CATSPERE: variants seen among roughly 807,000 people sequenced by gnomAD.
The protein encoded by CATSPERE is cation channel sperm-associated auxiliary subunit epsilon.
In CATSPERE, 93 loss-of-function variants were observed where a neutral mutation model predicts 114.1. The observed-to-expected ratio is 0.81, with a 90% CI of 0.69 to 0.97. The LOEUF (loss-of-function observed/expected upper bound fraction) is 0.97. Among genes scored for constraint, CATSPERE ranks in the 50% least tolerant of loss-of-function variants. The pLI is 0.00. For synonymous variants in CATSPERE, 341 were observed against 384.1 expected (o/e 0.89, Z 1.31); for missense variants, 1,058 against 1,131.6 (o/e 0.93, Z 0.93).
rs150875658 is a variant in CATSPERE, at chr1:244,626,151, A to C, written c.2648+8465A>C. On this transcript the variant is annotated intron_variant, in intron 20 of 21. Coordinates refer to ENST00000366534, the MANE Select transcript of CATSPERE (RefSeq NM_001130957.2). ...ACAAGAAAGTCAGCCTATCCTTTGA[A>C]GCTTTGAAGCCAGGTACTGATTTCT... Among the ~76,000 whole-genome samples the C allele has an allele frequency of 2.2e-4, 34 of 152,210 alleles. No individual in the cohort carries two copies. In the East Asian group the frequency reaches 6.6e-3, roughly 29 times the overall value.
At chr1:244,581,289 GTAC>G (rs1404250918) in intron 11 of CATSPERE, among the ~76,000 whole-genome samples, 1 of 152,144 alleles carries the variant, frequency 6.6e-6, no homozygotes, top group African/African-American at 2.4e-5. Context: ...CTGTATGAAT[GTAC>G]TACAAGATAT....
At chr1:244,597,749 A>G (rs1668646568) in intron 17 of CATSPERE, among the ~76,000 whole-genome samples, 1 of 152,164 alleles carries the variant, frequency 6.6e-6, no homozygotes, top group Non-Finnish European at 1.5e-5. Flanking sequence ...ACTTAGTCCA[A>G]CTTAGTCAAG....
At chr1:244,538,978 C>T (rs949066723) in intron 8 of CATSPERE, among the ~76,000 whole-genome samples, 2 of 152,106 alleles carry the variant, frequency 1.3e-5, no homozygotes, top group Admixed American at 6.6e-5. Context: ...ACAAGAAACA[C>T]GATCCATAGG....
intron 20 of CATSPERE, among the ~76,000 whole-genome samples, chr1:244,625,428 A>ATTTTTTT (rs1234328450): frequency 1.3e-3 from 5 of 3,746 alleles, no homozygotes; most frequent in South Asian, 0.036. Context: ...ATATATATAT[A>ATTTTTTT]TATATTTTTT....
Position 244,477,976 on chromosome 1 carries a change from GT to G in CATSPERE, c.258+2del. The G allele has an allele frequency of 6.3e-7, 1 of 1,585,498 alleles. No individual in the cohort carries two copies. The highest frequency in any genetic ancestry group is 8.7e-7 in the Non-Finnish European group (1 of 1,155,972). ...TATAAAACCAATTGTTACTGGCCCA[GT>G]AAGTTGTTTTAATGATATGTTATTA... On this transcript the variant is annotated splice_donor_variant, in intron 4 of 21. Coordinates refer to ENST00000366534, the MANE Select transcript of CATSPERE (RefSeq NM_001130957.2). LOFTEE classifies it high-confidence loss of function.
chr1:244,491,337 A>G (rs996827027), intron 6 of CATSPERE, among the ~76,000 whole-genome samples: 3 of 152,206 alleles, frequency 2.0e-5, no homozygotes, highest in Non-Finnish European at 2.9e-5. Context: ...CCTGCTCCTG[A>G]ATGACTACTG....
chr1:244,617,444 A>C lies in CATSPERE; in HGVS notation c.2491-85A>C, dbSNP rs1671539753. ...GGGAATAGCCATTACATCTCTAAAT[A>C]ATTTTCCAAGATAAATGAGACTATA... is the stretch of plus-strand genomic sequence containing the variant. On this transcript the variant is annotated intron_variant, in intron 19 of 21. Transcript: ENST00000366534. 7 of 1,090,400 alleles carry C rather than the reference A, an allele frequency of 6.4e-6. No homozygotes were observed. The African/African-American group carries it at 6.5e-5, about 10-fold the overall frequency. The allele number at this position is 1,090,400 out of a possible 1,614,324, so 67.5% of individuals were successfully genotyped here. A position where few individuals can be genotyped will look rare whatever the true frequency, so the allele number is the denominator to read the frequency against.
intron 9 of CATSPERE, among the ~76,000 whole-genome samples, chr1:244,556,370 G>T (rs571391439): frequency 6.6e-6 from 1 of 152,124 alleles, no homozygotes; most frequent in South Asian, 2.1e-4. Context: ...AAACCCTGAG[G>T]ATACAATAGA....
chr1:244,601,818 G>A (rs895572177), intron 17 of CATSPERE, among the ~76,000 whole-genome samples: 1 of 152,136 alleles, frequency 6.6e-6, no homozygotes, highest in African/African-American at 2.4e-5. Flanking sequence ...CCGGGCGTGG[G>A]TGGTGGGCGC....
intron 5 of CATSPERE, among the ~76,000 whole-genome samples, chr1:244,484,788 G>T (rs1302879457): frequency 1.3e-5 from 2 of 152,070 alleles, no homozygotes; most frequent in African/African-American, 4.8e-5. Context: ...TTCTCTTCCT[G>T]AAGTATATCC....
At chr1:244,451,983 C>G, upstream of CATSPERE, 1 of 659,418 alleles carries the variant, frequency 1.5e-6, no homozygotes, top group African/African-American at 1.9e-5. The surrounding 1 kb of genome is among the most constrained non-coding windows in gnomAD (Gnocchi z 6.6). Flanking sequence ...CCGCCCCGCT[C>G]TCCGCCACAG....
Position 244,461,439 on chromosome 1 carries a change from C to G in CATSPERE, c.10C>G (p.Arg4Gly). 1.4e-6 allele frequency: 2 copies of G among 1,385,088 alleles called. No homozygotes were observed. Among genetic ancestry groups the G allele is most frequent in the Non-Finnish European group, 1.9e-6 (2 of 1,059,932 alleles). The allele number at this position is 1,385,088 out of a possible 1,614,324, so 85.8% of individuals were successfully genotyped here. A position where few individuals can be genotyped will look rare whatever the true frequency, so the allele number is the denominator to read the frequency against. ...AGGCGGAGCAGGCGCCATGTCAGCC[C>G]GGGAAGTGGCCGTGCTGCTGCTGTG... is the stretch of plus-strand genomic sequence containing the variant. MSAREVAVLLLWLS... is the reference protein window; with the variant it reads MSAGEVAVLLLWLS... Residue 4 changes from arginine (R) to glycine (G), a missense_variant, in exon 1 of 22, where the codon CGG (arginine) becomes GGG (glycine). Around this residue, in one of 2 missense-constraint regions of CATSPERE, gnomAD observed 271 missense variants for 225.9 expected, o/e 1.20. Transcript: ENST00000366534.
chr1:244,539,985 T>G (rs1658362690), intron 8 of CATSPERE, among the ~76,000 whole-genome samples: 1 of 151,834 alleles, frequency 6.6e-6, no homozygotes, highest in Admixed American at 6.6e-5. Flanking sequence ...TCAGTTCTGC[T>G]CTGATTTTAG....
At chr1:244,609,805 C>A (rs1381185606) in intron 18 of CATSPERE, among the ~76,000 whole-genome samples, 1 of 152,198 alleles carries the variant, frequency 6.6e-6, no homozygotes, top group East Asian at 1.9e-4. Flanking sequence ...CTTTGGGAGG[C>A]TGAGGCAGGA....
rs894871830 is a variant in CATSPERE, at chr1:244,607,083, T to G, written c.2403+1289T>G. ...ATCACTCTCTTCCTTCTCAAACCTT[T>G]CCATTATGCCTCAAGGTTAAACGCT... is the stretch of plus-strand genomic sequence containing the variant. On this transcript the variant is annotated intron_variant, in intron 18 of 21. Transcript: ENST00000366534. This position sits in a 1 kb window ranked among gnomAD's most constrained non-coding sequence, Gnocchi z 4.4. Among the ~76,000 whole-genome samples the G allele has an allele frequency of 1.1e-4, 16 of 152,118 alleles. No individual in the cohort carries two copies. The highest frequency in any genetic ancestry group is 7.3e-5 in the Non-Finnish European group (5 of 68,028).
At chr1:244,493,172 A>T (rs1245915408) in intron 6 of CATSPERE, among the ~76,000 whole-genome samples, 1 of 152,210 alleles carries the variant, frequency 6.6e-6, no homozygotes, top group Non-Finnish European at 1.5e-5. Context: ...AGCTGGAGGC[A>T]TCATGCTACC....
chr1:244,524,491 A>G (rs914736777), intron 8 of CATSPERE, among the ~76,000 whole-genome samples: 2 of 151,290 alleles, frequency 1.3e-5, no homozygotes, highest in South Asian at 2.1e-4. Context: ...GACAAATGGG[A>G]TGTAATTAAA....
At chr1:244,557,901 A>G (rs1661904035) in intron 9 of CATSPERE, among the ~76,000 whole-genome samples, 1 of 151,486 alleles carries the variant, frequency 6.6e-6, no homozygotes, top group Non-Finnish European at 1.5e-5. Context: ...GCTTGTATAC[A>G]CTTGTATGTT....
chr1:244,569,464 GTTCT>G lies in CATSPERE; in HGVS notation c.1508-2863_1508-2860del, dbSNP rs538968324. Among the ~76,000 whole-genome samples, 387 of 152,220 alleles carry G rather than the reference GTTCT, an allele frequency of 2.5e-3. 3 individuals are homozygous for G. Among genetic ancestry groups the G allele is most frequent in the African/African-American group, 8.7e-3 (360 of 41,534 alleles). On this transcript the variant is annotated intron_variant, in intron 10 of 21. Transcript: ENST00000366534. Reference sequence around the variant, plus strand: ...GCATTGGGTTTATCTATACTGATATGTTCTTTATCTCATGTATTGCAAATATTTT... The same window carrying G: ...GCATTGGGTTTATCTATACTGATATGTTATCTCATGTATTGCAAATATTTT...
Sources: gnomAD v4.1 joint callset for allele counts (sites outside exome capture counted in the v4.1 genomes callset) on GRCh38, gnomAD v4.1.1 for gene constraint, gnomAD v4.1.1 regional missense constraint, Gnocchi (gnomAD v3.1) non-coding constraint, MANE v1.5 for transcripts, NCBI Gene and HGNC (gene_info 2026-07-23, HGNC 2026-07-21) for gene names.